GOLGA4: variants seen among roughly 807,000 people sequenced by gnomAD.
GOLGA4 encodes golgin subfamily A member 4.
Under a neutral mutation model 265.9 loss-of-function variants are expected in GOLGA4, and 169 were observed. The observed-to-expected ratio is 0.64, with a 90% CI of 0.56 to 0.72. The LOEUF is 0.72. GOLGA4 is among the 30% of genes least tolerant of loss of function. GOLGA4 has a pLI of 0.00. For missense variants in GOLGA4, 2,482 were observed against 2,483.4 expected (o/e 1.00, Z 0.01); for synonymous variants, 923 against 855.8 (o/e 1.08, Z -1.37).
intron 2 of GOLGA4, among the ~76,000 whole-genome samples, chr3:37,253,992 G>A (rs539636296): frequency 6.6e-6 from 1 of 150,694 alleles, no homozygotes; most frequent in East Asian, 1.9e-4. Context: ...CTCTAGCCTG[G>A]GCGACAGAGC....
At chr3:37,276,028 T>C (rs577445293) in intron 2 of GOLGA4, 53 of 1,612,936 alleles carry the variant, frequency 3.3e-5, no homozygotes, top group Non-Finnish European at 4.2e-5. Flanking sequence ...CCAGCGGCAA[T>C]GTAAGCAACA....
intron 10 of GOLGA4, among the ~76,000 whole-genome samples, chr3:37,304,934 A>T (rs1421743269): frequency 2.0e-5 from 3 of 152,130 alleles, no homozygotes; most frequent in African/African-American, 7.2e-5. Flanking sequence ...ATAAAAAATA[A>T]ATACTAAAAG....
chr3:37,326,076 C>T lies in GOLGA4; in HGVS notation c.4190C>T (p.Ser1397Leu). The change falls in exon 14 of 24, where the codon TCA becomes TTA. Residue 1397 changes from serine to leucine, a missense_variant. Ser to Leu is a moderately radical substitution (Grantham distance 145, BLOSUM62 -2). Around this residue, in one of 3 missense-constraint regions of GOLGA4, gnomAD observed 942 missense variants for 983.1 expected, o/e 0.96. Transcript: ENST00000361924. The part of the protein sequence containing the change: ...ISLSEKEAAI[S>L]SLRKQYDEEK... ...CTATCCGAAAAAGAAGCAGCCATTT[C>T]ATCACTAAGAAAGCAGTATGATGAA... 1 of 1,613,276 alleles carries T rather than the reference C, an allele frequency of 6.2e-7. No individual in the cohort carries two copies. The highest frequency in any genetic ancestry group is 1.1e-5 in the South Asian group (1 of 91,046).
chr3:37,332,399 T>G (rs1201736166), intron 16 of GOLGA4, among the ~76,000 whole-genome samples: 1 of 152,138 alleles, frequency 6.6e-6, no homozygotes, highest in Admixed American at 6.6e-5. Flanking sequence ...CCCAACACTT[T>G]GGGAGGCTGA....
At chr3:37,351,524 A>G (rs369804478) in intron 21 of GOLGA4, among the ~76,000 whole-genome samples, 3 of 152,154 alleles carry the variant, frequency 2.0e-5, no homozygotes, top group East Asian at 3.8e-4. Context: ...GCCCACTGTC[A>G]TGAGAGGAAT....
At position 37,347,206 on chromosome 3, in the gene GOLGA4, C is replaced by T. The variant is rs765365120; in HGVS notation, c.6486C>T (p.Tyr2162=). 6.2e-7 allele frequency: 1 copy of T among 1,609,316 alleles called. No individual in the cohort carries two copies. Among genetic ancestry groups the T allele is most frequent in the South Asian group, 1.1e-5 (1 of 90,830 alleles). The change falls in exon 21 of 24, where the codon TAC becomes TAT. Residue 2162 remains tyrosine, a synonymous_variant. Transcript: ENST00000361924. ...TTTATTTGGCAGGTGGCAATTTGTA[C>T]CATACGGATGTCTCACTCTTTGGAG... ...VGTPYKGGNL[Y]HTDVSLFGEP... is the part of the protein sequence containing the mutation.
chr3:37,355,024 A>G, intron 21 of GOLGA4, 77 bp from the exon 22 acceptor site: 1 of 831,144 alleles, frequency 1.2e-6, no homozygotes, highest in Non-Finnish European at 2.1e-6. Context: ...GAATCCCACC[A>G]GCAGAACATG....
chr3:37,322,261 C>A (rs984044253), intron 13 of GOLGA4, among the ~76,000 whole-genome samples: 4 of 152,160 alleles, frequency 2.6e-5, no homozygotes, highest in Non-Finnish European at 5.9e-5. Flanking sequence ...ATGTCCTGAA[C>A]GTAATCCAGC....
intron 2 of GOLGA4, among the ~76,000 whole-genome samples, chr3:37,256,134 T>C (rs557294897): frequency 1.3e-5 from 2 of 152,298 alleles, no homozygotes; most frequent in African/African-American, 4.8e-5. Flanking sequence ...CACACTGCTC[T>C]ACTGTTCTAC....
chr3:37,322,147 A>G (rs2096956758), intron 13 of GOLGA4, among the ~76,000 whole-genome samples: 1 of 152,144 alleles, frequency 6.6e-6, no homozygotes, highest in African/African-American at 2.4e-5. Context: ...CTGACCCTGC[A>G]GCATCTCCAT....
chr3:37,277,538 A>C (rs1331829525), intron 2 of GOLGA4, among the ~76,000 whole-genome samples: 2 of 152,268 alleles, frequency 1.3e-5, no homozygotes, highest in Non-Finnish European at 2.9e-5. Flanking sequence ...AGGACTGTAT[A>C]ATTCATTAAA....
intron 2 of GOLGA4, among the ~76,000 whole-genome samples, chr3:37,264,557 G>T (rs1217915123): frequency 1.3e-5 from 2 of 152,152 alleles, no homozygotes; most frequent in Admixed American, 6.5e-5. Context: ...TGAACAGTTA[G>T]TTAAGGCTCT....
In GOLGA4 at chr3:37,286,055, G is replaced by A. The variant is rs2096847722; in HGVS notation, c.519G>A (p.Lys173=). 3 of 1,528,112 alleles carry A rather than the reference G, an allele frequency of 2.0e-6. No individual in the cohort carries two copies. The highest frequency in any genetic ancestry group is 1.8e-6 in the Non-Finnish European group (2 of 1,115,670). 94.7% of individuals were successfully genotyped at this position (1,528,112 alleles called of 1,614,324 possible). A position where few individuals can be genotyped will look rare whatever the true frequency, so the allele number is the denominator to read the frequency against. Residue 173 remains lysine (K), a synonymous_variant, in exon 4 of 24, where the codon AAG becomes AAA. Coordinates refer to ENST00000361924, the MANE Select transcript of GOLGA4 (RefSeq NM_002078.5). ...AYQMLQREKK[K]LQGILSQSQD... ...AGATGCTTCAGAGAGAGAAGAAAAA[G>A]CTACAAGTAAGTGATTTGTCAACTG... is the stretch of plus-strand genomic sequence containing the variant.
chr3:37,293,338 A>T (rs1163680856), intron 5 of GOLGA4, among the ~76,000 whole-genome samples: 13 of 151,948 alleles, frequency 8.6e-5, no homozygotes, highest in Admixed American at 8.5e-4. Context: ...AGCTATTGTT[A>T]ATGTATTTTA....
In GOLGA4 at chr3:37,329,112, C is replaced by G. The variant is rs777319309; in HGVS notation, c.6192+19C>G. ...CCTTGATGTTTGTACCTTATTTCTT[C>G]TCTCTCACTTTTGAAATTTAGCTGT... On this transcript the variant is annotated intron_variant, in intron 16 of 23. Coordinates refer to ENST00000361924, the MANE Select transcript of GOLGA4 (RefSeq NM_002078.5). The G allele has an allele frequency of 3.2e-6, 5 of 1,564,828 alleles. No homozygotes were observed. The highest frequency in any genetic ancestry group is 3.5e-6 in the Non-Finnish European group (4 of 1,157,078).
At chr3:37,310,838 C>T (rs1442414225) in intron 10 of GOLGA4, among the ~76,000 whole-genome samples, 1 of 151,912 alleles carries the variant, frequency 6.6e-6, no homozygotes, top group African/African-American at 2.4e-5. Context: ...CTTAGCCTTC[C>T]TATTGATGTG....
chr3:37,329,733 C>T (rs1042573940), intron 16 of GOLGA4, among the ~76,000 whole-genome samples: 1 of 152,144 alleles, frequency 6.6e-6, no homozygotes, highest in African/African-American at 2.4e-5. Context: ...CATGAAGATA[C>T]ACCATGAAGA....
chr3:37,254,521 T>C (rs548802012), intron 2 of GOLGA4, among the ~76,000 whole-genome samples: 2 of 151,524 alleles, frequency 1.3e-5, no homozygotes, highest in South Asian at 4.1e-4. Flanking sequence ...TTGTTTTAAT[T>C]AAACAATTGT....
chr3:37,294,677 C>G (rs2150834161), intron 5 of GOLGA4, among the ~76,000 whole-genome samples: 1 of 152,286 alleles, frequency 6.6e-6, no homozygotes, highest in South Asian at 2.1e-4. Context: ...TGAGCCACCG[C>G]ACCCGGCCTG....
Sources: allele counts gnomAD v4.1 joint callset (sites outside exome capture counted in the v4.1 genomes callset), GRCh38; gene constraint gnomAD v4.1.1; regional missense constraint gnomAD v4.1.1; transcripts MANE v1.5; gene names NCBI Gene and HGNC (gene_info 2026-07-23, HGNC 2026-07-21).